Variants in ABCA10 observed in about 807,000 individuals in gnomAD.
ABCA10 encodes the protein ATP-binding cassette sub-family A member 10.
In ABCA10, 169 loss-of-function variants were observed where a neutral mutation model predicts 187.5. That is an observed-to-expected ratio of 0.90 (90% CI 0.80 to 1.02). The LOEUF (loss-of-function observed/expected upper bound fraction) is 1.02. Ranked by LOEUF, ABCA10 falls within the 50% of genes least tolerant of loss-of-function variation. ABCA10 has a pLI of 0.00. For synonymous variants in ABCA10, 574 were observed against 601.8 expected (o/e 0.95, Z 0.68); for missense variants, 1,727 against 1,812.4 (o/e 0.95, Z 0.86).
chr17:69,175,427 C>T lies in ABCA10; in HGVS notation c.2856G>A (p.Met952Ile). Residue 952 changes from methionine to isoleucine, a missense_variant, in exon 23 of 39, where the codon ATG (methionine) becomes ATA (isoleucine). Physicochemically the swap from Met to Ile is conservative, Grantham distance 10 (BLOSUM62 1). Transcript: ENST00000690296. ...TTACTTTATAATCGCTGATGCTGCT[C>T]ATGCCGATAAAAGGAGAAACGCAGT... ...ITNCVSPFIG[M>I]SSISDYKKNV... is the part of the protein sequence containing the mutation. 1.2e-6 allele frequency: 2 copies of T among 1,611,444 alleles called. No individual in the cohort carries two copies. The highest frequency in any genetic ancestry group is 1.7e-6 in the Non-Finnish European group (2 of 1,178,480).
Position 69,164,156 on chromosome 17 carries a change from T to TG in ABCA10, c.3283-3dup. On this transcript the variant is annotated splice_polypyrimidine_tract_variant and splice_region_variant and intron_variant, in intron 26 of 38. Transcript: ENST00000690296. Reference sequence around the variant, plus strand: ...GTCCAAGTTTCTCATAAAGTCGAGCTGAAAAAAAACCCACCAACAGTTAAA... The same window carrying TG: ...GTCCAAGTTTCTCATAAAGTCGAGCTGGAAAAAAAACCCACCAACAGTTAAA... 1.3e-6 allele frequency: 2 copies of TG among 1,571,786 alleles called. No homozygotes were observed. The highest frequency in any genetic ancestry group is 1.7e-6 in the Non-Finnish European group (2 of 1,166,666).
At chr17:69,208,720 A>C (rs9908095) in intron 9 of ABCA10, among the ~76,000 whole-genome samples, 129 of 152,258 alleles carry the variant, frequency 8.5e-4, no homozygotes, top group African/African-American at 3.0e-3. Flanking sequence ...TAGAGCCTAA[A>C]CCAATTAGTT....
At chr17:69,239,530 AC>A (rs1344680702) in intron 1 of ABCA10, among the ~76,000 whole-genome samples, 1 of 152,092 alleles carries the variant, frequency 6.6e-6, no homozygotes, top group Non-Finnish European at 1.5e-5. Context: ...ACCTGCGATC[AC>A]CCTACAGACA....
In ABCA10 at chr17:69,214,758, A is replaced by T; in HGVS notation, c.952T>A (p.Phe318Ile). The change falls in exon 9 of 39, where the codon TTT becomes ATT. Residue 318 changes from phenylalanine (F) to isoleucine (I), a missense_variant. Phe to Ile is a conservative substitution (Grantham distance 21). Transcript: ENST00000690296. The stretch of plus-strand genomic sequence containing the variant: ...AATATCAAATAGAAAAGAGTATCAA[A>T]TGCCAAAATGAAAAAAGTGGCTATC... ...KMIATFFILA[F>I]DTLFYLIFTL... 2.6e-6 allele frequency: 4 copies of T among 1,518,838 alleles called. No homozygotes were observed. Among genetic ancestry groups the T allele is most frequent in the Non-Finnish European group, 3.5e-6 (4 of 1,141,448 alleles). 94.1% of individuals were successfully genotyped at this position (1,518,838 alleles called of 1,614,324 possible).
At chr17:69,162,081 C>T (rs964643891) in intron 27 of ABCA10, among the ~76,000 whole-genome samples, 12 of 152,068 alleles carry the variant, frequency 7.9e-5, no homozygotes, top group African/African-American at 2.7e-4. Flanking sequence ...CACATAATTC[C>T]GATTGAAAAA....
chr17:69,241,945 G>A (rs550592575), intron 1 of ABCA10, among the ~76,000 whole-genome samples: 2 of 152,166 alleles, frequency 1.3e-5, no homozygotes, highest in African/African-American at 2.4e-5. Context: ...CATCATAGAC[G>A]GCTCTAAAAA....
At chr17:69,226,955 C>T (rs1456355681) in intron 2 of ABCA10, among the ~76,000 whole-genome samples, 190 bp downstream of exon 2, 1 of 151,630 alleles carries the variant, frequency 6.6e-6, no homozygotes, top group Non-Finnish European at 1.5e-5. Flanking sequence ...TCACATTTGA[C>T]ACAAATATTA....
rs553593088 is a variant in ABCA10 at position 69,197,549 on chromosome 17, T to C, written c.1176-427A>G. On this transcript the variant is annotated intron_variant, in intron 10 of 38. Transcript: ENST00000690296. ...TTTATCCCACATTTATTTCCCAACC[T>C]AAGACAACATAGCTTCTCACTATAC... Among the ~76,000 whole-genome samples the C allele has an allele frequency of 8.3e-4, 127 of 152,330 alleles. 1 individual carries two copies. Among genetic ancestry groups the C allele is most frequent in the Non-Finnish European group, 6.2e-4 (42 of 68,026 alleles).
Position 69,227,559 on chromosome 17 carries a change from A to G in ABCA10, c.-312-274T>C, listed in dbSNP as rs16973844. 5.6e-3 allele frequency among the ~76,000 whole-genome samples: 848 copies of G among 152,006 alleles called. 32 individuals are homozygous for G. The East Asian group carries it at 0.1, about 19-fold the overall frequency. On this transcript the variant is annotated intron_variant, in intron 1 of 38. Transcript: ENST00000690296. Reference sequence around the variant, plus strand: ...TCAGAAGTCACTTTTTTTCCATGAAATCTTAACATTACATCCACCTAAAGT... The same window carrying G: ...TCAGAAGTCACTTTTTTTCCATGAAGTCTTAACATTACATCCACCTAAAGT...
At chr17:69,173,862 GTTGT>G (rs1303479245) in intron 25 of ABCA10, among the ~76,000 whole-genome samples, 4 of 152,002 alleles carry the variant, frequency 2.6e-5, no homozygotes, top group Non-Finnish European at 4.4e-5. Context: ...TATCATGCTT[GTTGT>G]TTGTTTGTTT....
upstream of ABCA10, among the ~76,000 whole-genome samples, chr17:69,230,395 A>T (rs1166686117): frequency 6.6e-6 from 1 of 152,124 alleles, no homozygotes; most frequent in African/African-American, 2.4e-5. Context: ...CCTGCATTGC[A>T]GACTTGTCAC....
upstream of ABCA10, among the ~76,000 whole-genome samples, chr17:69,231,973 C>A (rs1001211793): frequency 3.9e-5 from 6 of 151,972 alleles, no homozygotes; most frequent in African/African-American, 1.5e-4. Context: ...TATCCTGTTG[C>A]TGTACTGGCC....
chr17:69,169,426 T>C (rs928986337), intron 25 of ABCA10, among the ~76,000 whole-genome samples: 6 of 152,222 alleles, frequency 3.9e-5, no homozygotes, highest in Non-Finnish European at 8.8e-5. Context: ...AGATTCACTA[T>C]GTAAAGATAT....
intron 2 of ABCA10, 87 bp from the exon 3 acceptor site, chr17:69,225,616 T>C (rs2074787827): frequency 5.0e-6 from 2 of 398,280 alleles, no homozygotes; most frequent in South Asian, 1.8e-4. Flanking sequence ...AGGCAGAATG[T>C]ATTGCCATTG....
chr17:69,160,028 C>G (rs1206686181), intron 27 of ABCA10, among the ~76,000 whole-genome samples: 1 of 152,092 alleles, frequency 6.6e-6, no homozygotes, highest in Non-Finnish European at 1.5e-5. Context: ...AGACCTAAAA[C>G]TATAAAACTC....
intron 22 of ABCA10, among the ~76,000 whole-genome samples, chr17:69,181,575 T>A (rs1331939645): frequency 6.6e-6 from 1 of 151,990 alleles, no homozygotes; most frequent in African/African-American, 2.4e-5. Context: ...TAAATCAGGA[T>A]AAGGGATAGG....
intron 18 of ABCA10, 77 bp downstream of exon 18, chr17:69,190,281 A>G (rs960390485): frequency 4.0e-5 from 57 of 1,422,468 alleles, no homozygotes; most frequent in Middle Eastern, 4.6e-4. Context: ...ATAAAAATCT[A>G]CAAATATGAA....
chr17:69,191,740 T>G (rs1300834780), intron 16 of ABCA10, among the ~76,000 whole-genome samples: 1 of 152,172 alleles, frequency 6.6e-6, no homozygotes, highest in Middle Eastern at 3.2e-3. Context: ...TGATAGGATA[T>G]AAGATACATG....
chr17:69,155,967 G>A (rs745760669), intron 28 of ABCA10, 42 bp from the exon 29 acceptor site: 16 of 1,583,348 alleles, frequency 1.0e-5, no homozygotes, highest in Admixed American at 1.8e-5. Context: ...AATTTTGGCT[G>A]TACAACTGTT....
Sources: gnomAD v4.1 joint callset for allele counts (sites outside exome capture counted in the v4.1 genomes callset) on GRCh38, gnomAD v4.1.1 for gene constraint, MANE v1.5 for transcripts, NCBI Gene and HGNC (gene_info 2026-07-23, HGNC 2026-07-21) for gene names.